Variants in APOL6 observed in about 807,000 individuals in gnomAD.
APOL6 encodes the protein apolipoprotein L, 6.
Under a neutral mutation model 2.4 loss-of-function variants are expected in APOL6, and 1 was observed. That is an observed-to-expected ratio of 0.41 (90% CI 0.15 to 1.94). The LOEUF is 1.94. APOL6 is among the 30% of genes most tolerant of loss of function. The pLI is 0.30. For synonymous variants in APOL6, 189 were observed against 169.3 expected (o/e 1.12, Z -0.90); for missense variants, 438 against 429.2 (o/e 1.02, Z -0.18).
chr22:35,658,834 G>A lies in APOL6; in HGVS notation c.270G>A (p.Val90=), dbSNP rs1924921908. ...VATSTAVISG[V]MSLLGLALAP... ...CCTCTACTGCTGTCATCTCTGGAGT[G>A]ATGAGCCTCCTGGGTTTAGCCCTTG... The change falls in exon 3 of 3, where the codon GTG becomes GTA. Residue 90 remains valine (V), a synonymous_variant. Coordinates refer to ENST00000409652, the MANE Select transcript of APOL6 (RefSeq NM_030641.4). 1.2e-6 allele frequency: 2 copies of A among 1,614,178 alleles called. No homozygotes were observed. Among genetic ancestry groups the A allele is most frequent in the Non-Finnish European group, 8.5e-7 (1 of 1,180,032 alleles).
chr22:35,657,456 T>C (rs1569134660), intron 2 of APOL6, among the ~76,000 whole-genome samples: 1 of 152,290 alleles, frequency 6.6e-6, no homozygotes, highest in South Asian at 2.1e-4. Flanking sequence ...ATTGTGTGCG[T>C]GTGTGTGTGG....
Position 35,666,030 on chromosome 22 carries a change from GT to G in APOL6, c.*6438del, listed in dbSNP as rs1409337952. ...ATTGTCAAATGTGAAATGGTGTTTG[GT>G]TTTCTTTGGGCTGTATTTGTATAAA... On this transcript the variant is annotated 3_prime_UTR_variant, in exon 3 of 3. Transcript: ENST00000409652. The G allele has an allele frequency of 6.6e-6, 1 of 152,038 alleles. No individual in the cohort carries two copies. Among genetic ancestry groups the G allele is most frequent in the African/African-American group, 2.4e-5 (1 of 41,416 alleles). 9.4% of individuals were successfully genotyped at this position (152,038 alleles called of 1,614,324 possible). A position where few individuals can be genotyped will look rare whatever the true frequency, so the allele number is the denominator to read the frequency against.
In APOL6 at chr22:35,661,015, G is replaced by A. The variant is rs1441115901; in HGVS notation, c.*1419G>A. The A allele has an allele frequency of 6.6e-6, 1 of 152,218 alleles. No individual in the cohort carries two copies. The highest frequency in any genetic ancestry group is 2.4e-5 in the African/African-American group (1 of 41,442). The allele number at this position is 152,218 out of a possible 1,614,324, so 9.4% of individuals were successfully genotyped here. On this transcript the variant is annotated 3_prime_UTR_variant, in exon 3 of 3. Transcript: ENST00000409652. ...AATAACACCCCAAGCTACAGGAAGT[G>A]AGGCCTCTGATGGGGAGGTAGTGAC...
At position 35,660,405 on chromosome 22, in the gene APOL6, T is replaced by C. The variant is rs530004370; in HGVS notation, c.*809T>C. On this transcript the variant is annotated 3_prime_UTR_variant, in exon 3 of 3. Transcript: ENST00000409652. Reference sequence around the variant, plus strand: ...CCTCACCAGGAACTGAATAAGTCAGTCAGTCTGGGACTTCCAGCCTCTAGA... The same window carrying C: ...CCTCACCAGGAACTGAATAAGTCAGCCAGTCTGGGACTTCCAGCCTCTAGA... The C allele has an allele frequency of 2.0e-5, 3 of 152,336 alleles. No individual in the cohort carries two copies. In the South Asian group the frequency reaches 6.2e-4, roughly 32 times the overall value. The allele number at this position is 152,336 out of a possible 1,614,324, so 9.4% of individuals were successfully genotyped here.
Position 35,659,358 on chromosome 22 carries a change from C to G in APOL6, c.794C>G (p.Thr265Arg). ...EWKHLKEGAR[T>R]KFAEELRAKA... is the part of the protein sequence containing the mutation. ...AAGCACCTGAAGGAAGGAGCAAGGA[C>G]AAAGTTTGCGGAAGAGTTGAGAGCC... Residue 265 changes from threonine to arginine, a missense_variant, in exon 3 of 3, where the codon ACA becomes AGA. Coordinates refer to ENST00000409652, the MANE Select transcript of APOL6 (RefSeq NM_030641.4). 1 of 1,613,810 alleles carries G rather than the reference C, an allele frequency of 6.2e-7. No individual in the cohort carries two copies. Among genetic ancestry groups the G allele is most frequent in the East Asian group, 2.2e-5 (1 of 44,832 alleles).
At position 35,663,016 on chromosome 22, in the gene APOL6, T is replaced by G. The variant is rs552260129; in HGVS notation, c.*3420T>G. ...TGCTTTCATGATGATGGAAGGCAGG[T>G]GATGTTTTTATGGAGTTTCAGCTTT... On this transcript the variant is annotated 3_prime_UTR_variant, in exon 3 of 3. Transcript: ENST00000409652. The G allele has an allele frequency of 4.6e-5, 7 of 152,282 alleles. No homozygotes were observed. In the South Asian group the frequency reaches 1.4e-3, roughly 32 times the overall value. The allele number at this position is 152,282 out of a possible 1,614,324, so 9.4% of individuals were successfully genotyped here.
rs547448969 is a variant in APOL6, at chr22:35,656,357, G to A, written c.-47-22G>A. On this transcript the variant is annotated intron_variant, in intron 1 of 2. Transcript: ENST00000409652. ...GTTTCATCATATGTGCAGTAACGTT[G>A]TTTTTCTACATTCCTGACCAGAAAA... is the stretch of plus-strand genomic sequence containing the variant. 23 of 1,588,064 alleles carry A rather than the reference G, an allele frequency of 1.4e-5. No individual in the cohort carries two copies. The South Asian group carries it at 2.0e-4, about 14-fold the overall frequency.
At chr22:35,652,890 G>C (rs1924736724) in intron 1 of APOL6, among the ~76,000 whole-genome samples, 1 of 151,922 alleles carries the variant, frequency 6.6e-6, no homozygotes. Context: ...GCTCTTTTTT[G>C]GTTCCATATG....
intron 1 of APOL6, among the ~76,000 whole-genome samples, chr22:35,650,716 G>C (rs1347469825): frequency 6.6e-6 from 1 of 152,054 alleles, no homozygotes; most frequent in East Asian, 1.9e-4. Flanking sequence ...GATCACCTGA[G>C]GTCAGGAGTT....
chr22:35,649,139 A>C (rs545776156), intron 1 of APOL6, among the ~76,000 whole-genome samples: 1 of 152,276 alleles, frequency 6.6e-6, no homozygotes, highest in Non-Finnish European at 1.5e-5. Context: ...TTTGTGATAA[A>C]TATTAGGGCG....
intron 2 of APOL6, 116 bp downstream of exon 2, chr22:35,656,591 TCTTAC>T: frequency 2.5e-6 from 3 of 1,219,126 alleles, no homozygotes; most frequent in South Asian, 2.5e-5. Context: ...GTGGGCCTTA[TCTTAC>T]CGCTGGTCTC....
intron 1 of APOL6, among the ~76,000 whole-genome samples, chr22:35,651,548 T>TC (rs1164799665): frequency 1.4e-5 from 2 of 145,380 alleles, no homozygotes; most frequent in African/African-American, 5.0e-5. Context: ...CCCTCCCCAC[T>TC]CCCCCCACCC....
chr22:35,649,338 T>C (rs1924628518), intron 1 of APOL6, among the ~76,000 whole-genome samples: 2 of 150,798 alleles, frequency 1.3e-5, no homozygotes, highest in South Asian at 2.1e-4. Context: ...GGGAGGGTGC[T>C]GAGGTGGAAG....
intron 1 of APOL6, among the ~76,000 whole-genome samples, chr22:35,655,903 A>C (rs1924832425): frequency 6.6e-6 from 1 of 152,212 alleles, no homozygotes; most frequent in African/African-American, 2.4e-5. Flanking sequence ...ACAATGGAAA[A>C]GGGTTTTGAG....
chr22:35,658,550 C>A, intron 2 of APOL6, 65 bp from the exon 3 acceptor site: 1 of 1,402,484 alleles, frequency 7.1e-7, no homozygotes, highest in South Asian at 1.4e-5. Flanking sequence ...CAAGAATATC[C>A]AAGAGCCACA....
rs535388525 is a variant in APOL6 at position 35,659,670 on chromosome 22, GCCTGT to G, written c.*79_*83del. 5.0e-5 allele frequency: 75 copies of G among 1,489,834 alleles called. No individual in the cohort carries two copies. In the African/African-American group the frequency reaches 8.5e-4, roughly 17 times the overall value. 92.3% of individuals were successfully genotyped at this position (1,489,834 alleles called of 1,614,324 possible). A position where few individuals can be genotyped will look rare whatever the true frequency, so the allele number is the denominator to read the frequency against. On this transcript the variant is annotated 3_prime_UTR_variant, in exon 3 of 3. Transcript: ENST00000409652. Reference sequence around the variant, plus strand: ...TCAAGTACATCTTGGAGATGAGGGTGCCTGTCCTGGACAGACCTCGGCATGCCTTC... The same window carrying G: ...TCAAGTACATCTTGGAGATGAGGGTGCCTGGACAGACCTCGGCATGCCTTC...
rs118124126 is a variant in APOL6, at chr22:35,667,583, A to G, written c.*7987A>G. The stretch of plus-strand genomic sequence containing the variant: ...AAGTGATTTCATCCTGGTATCTGCA[A>G]TTTTCACATTCATTAGGTTTCAACA... On this transcript the variant is annotated 3_prime_UTR_variant, in exon 3 of 3. Coordinates refer to ENST00000409652, the MANE Select transcript of APOL6 (RefSeq NM_030641.4). The G allele has an allele frequency of 1.5e-4, 23 of 152,346 alleles. No individual in the cohort carries two copies. In the East Asian group the frequency reaches 4.4e-3, roughly 29 times the overall value. 9.4% of individuals were successfully genotyped at this position (152,346 alleles called of 1,614,324 possible).
intron 1 of APOL6, among the ~76,000 whole-genome samples, chr22:35,650,787 G>A (rs146498608): frequency 9.9e-5 from 15 of 152,106 alleles, no homozygotes; most frequent in African/African-American, 2.7e-4. Context: ...AAAATTAGCC[G>A]GGTGTGTTAG....
chr22:35,650,205 T>C (rs750932310), intron 1 of APOL6, among the ~76,000 whole-genome samples: 8 of 152,160 alleles, frequency 5.3e-5, no homozygotes, highest in Non-Finnish European at 1.2e-4. Flanking sequence ...AAACCAAACC[T>C]AGCTTCACAT....
Sources: gnomAD v4.1 joint callset for allele counts (sites outside exome capture counted in the v4.1 genomes callset) on GRCh38, gnomAD v4.1.1 for gene constraint, MANE v1.5 for transcripts, NCBI Gene and HGNC (gene_info 2026-07-23, HGNC 2026-07-21) for gene names.